SHISA9: variants seen among roughly 807,000 people sequenced by gnomAD.
SHISA9 encodes protein shisa-9.
SHISA9 carries 13 observed loss-of-function variants against 38.0 expected under a neutral mutation model. The ratio of observed to expected loss-of-function variants is 0.34; its 90% CI spans 0.22 to 0.54. SHISA9 has a LOEUF of 0.54. SHISA9 is among the 20% of genes least tolerant of loss of function. The probability of loss-of-function intolerance (pLI) is 0.91; values close to 1 mark genes in which losing one functional copy is unlikely to be tolerated. For missense variants in SHISA9, 538 were observed against 575.8 expected, an observed-to-expected ratio of 0.93 and a Z score of 0.67; for synonymous variants, 275 against 242.0, an observed-to-expected ratio of 1.14 and a Z score of -1.27.
At chr16:13,117,942 G>T (rs2074046615) in intron 2 of SHISA9, among the ~76,000 whole-genome samples, 1 of 152,116 alleles carries the variant, frequency 6.6e-6, no homozygotes, top group Non-Finnish European at 1.5e-5. Flanking sequence ...AGCACTTTGG[G>T]AGGCTGAGGT....
At chr16:13,349,255 A>G in the SHISA9 span, among the ~76,000 whole-genome samples, 222 of 152,342 alleles carry the variant, frequency 1.5e-3, 1 homozygote, top group African/African-American at 5.2e-3. Flanking sequence ...ACTGATATTC[A>G]GTAGGTCTTA....
At chr16:13,462,244 C>CA in the SHISA9 span, among the ~76,000 whole-genome samples, 1,690 of 144,282 alleles carry the variant, frequency 0.012, 32 homozygotes, top group African/African-American at 0.039. Flanking sequence ...CTACCTCTAC[C>CA]AAAAAAAAAA....
At chr16:13,020,537 A>G in intron 2 of SHISA9, among the ~76,000 whole-genome samples, 1 of 152,056 alleles carries the variant, frequency 6.6e-6, no homozygotes, top group East Asian at 1.9e-4. Flanking sequence ...TTCTTATTGG[A>G]TTCGTACCTC....
At chr16:13,119,119 C>G (rs139604199) in intron 2 of SHISA9, among the ~76,000 whole-genome samples, 1 of 152,130 alleles carries the variant, frequency 6.6e-6, no homozygotes, top group African/African-American at 2.4e-5. Flanking sequence ...CCGCCCACTT[C>G]GGCCTCCCAA....
chr16:13,502,899 TAAAATA>T, the SHISA9 span, among the ~76,000 whole-genome samples: 16 of 150,910 alleles, frequency 1.1e-4, 1 homozygote, highest in Admixed American at 9.9e-4. Context: ...AAATAAAAAA[TAAAATA>T]AAATAAATCT....
chr16:13,115,589 A>C (rs118053957), intron 2 of SHISA9, among the ~76,000 whole-genome samples: 7,668 of 152,282 alleles, frequency 0.05, 296 homozygotes, highest in East Asian at 0.17. Context: ...GCGTTAGGGC[A>C]ATTATGGACA....
chr16:13,488,977 G>T, the SHISA9 span, among the ~76,000 whole-genome samples: 1 of 152,078 alleles, frequency 6.6e-6, no homozygotes, highest in Admixed American at 6.5e-5. Context: ...GTTTCACCAC[G>T]TGAGCCAGGA....
the SHISA9 span, among the ~76,000 whole-genome samples, chr16:13,302,195 A>C: frequency 8.5e-5 from 13 of 152,308 alleles, no homozygotes. Flanking sequence ...AAAACTATTT[A>C]TACAACCTCT....
intron 2 of SHISA9, among the ~76,000 whole-genome samples, chr16:13,045,617 AGG>A (rs1491129809): frequency 8.0e-5 from 12 of 150,838 alleles, no homozygotes; most frequent in Non-Finnish European, 1.5e-4. Flanking sequence ...GGAGAGGGAG[AGG>A]GAGAGGGAGA....
chr16:13,218,053 T>TAGGA (rs1190446770), intron 4 of SHISA9, among the ~76,000 whole-genome samples: 1 of 149,092 alleles, frequency 6.7e-6, no homozygotes, highest in Admixed American at 6.7e-5. Context: ...GGAAGGAAGG[T>TAGGA]AGGAAGGAAG....
the SHISA9 span, among the ~76,000 whole-genome samples, chr16:13,523,230 G>T: frequency 5.3e-5 from 8 of 152,088 alleles, no homozygotes; most frequent in Non-Finnish European, 8.8e-5. Context: ...GGCATGTGTA[G>T]TCCCAGCTAT....
intron 2 of SHISA9, among the ~76,000 whole-genome samples, chr16:12,994,155 T>A (rs924959047): frequency 2.0e-5 from 3 of 152,146 alleles, no homozygotes; most frequent in African/African-American, 7.2e-5. Context: ...GAAAAGGTCA[T>A]GTTGGCTGCT....
the SHISA9 span, among the ~76,000 whole-genome samples, chr16:13,405,079 A>G: frequency 1.3e-5 from 2 of 152,252 alleles, no homozygotes; most frequent in East Asian, 3.8e-4. Context: ...GAGAAGACAC[A>G]CATTGGGCAA....
chr16:13,247,983 G>C, the SHISA9 span, among the ~76,000 whole-genome samples: 1 of 152,304 alleles, frequency 6.6e-6, no homozygotes, highest in East Asian at 1.9e-4. Flanking sequence ...AGCTGTTTTT[G>C]ATGCTGTAAT....
At chr16:13,500,844 CAT>C in the SHISA9 span, among the ~76,000 whole-genome samples, 2 of 152,186 alleles carry the variant, frequency 1.3e-5, no homozygotes, top group African/African-American at 4.8e-5. Context: ...AGCACCAAGA[CAT>C]ATGAACTAGA....
the SHISA9 span, among the ~76,000 whole-genome samples, chr16:13,452,272 C>G: frequency 1.2e-4 from 18 of 152,316 alleles, 1 homozygote; most frequent in East Asian, 2.5e-3. Context: ...CATAAAATAA[C>G]ATGAATTAAG....
chr16:12,946,016 G>A (rs1394591277), intron 2 of SHISA9, among the ~76,000 whole-genome samples: 1 of 152,218 alleles, frequency 6.6e-6, no homozygotes, highest in Non-Finnish European at 1.5e-5. Flanking sequence ...GCTAAAGCAT[G>A]AGAACTGCTT....
At chr16:12,925,709 C>G (rs3859032) in intron 2 of SHISA9, among the ~76,000 whole-genome samples, 18,319 of 152,118 alleles carry the variant, frequency 0.12, 1,348 homozygotes, top group South Asian at 0.29. Flanking sequence ...TCCTTCCATA[C>G]CAGGGAAAGC....
chr16:13,138,485 C>T (rs748575382), intron 2 of SHISA9, among the ~76,000 whole-genome samples: 1 of 152,162 alleles, frequency 6.6e-6, no homozygotes, highest in African/African-American at 2.4e-5. Context: ...GATTCATCTC[C>T]TATGACACTG....
Sources: gnomAD v4.1 joint callset for allele counts (sites outside exome capture counted in the v4.1 genomes callset) on GRCh38, gnomAD v4.1.1 for gene constraint, MANE v1.5 for transcripts, NCBI Gene and HGNC (gene_info 2026-07-23, HGNC 2026-07-21) for gene names.